The following IGF1R variants were observed in gnomAD, a reference collection of about 807,000 sequenced individuals.
IGF1R encodes insulin-like growth factor 1 receptor.
In IGF1R, 44 loss-of-function variants were observed where a neutral mutation model predicts 144.6. That is an observed-to-expected ratio of 0.30 (90% CI 0.24 to 0.39). IGF1R has a LOEUF of 0.39. Ranked by LOEUF, IGF1R falls within the 10% of genes least tolerant of loss-of-function variation. IGF1R has a pLI of 1.00. For missense variants in IGF1R, 1,355 were observed against 1,833.7 expected, an observed-to-expected ratio of 0.74 and a Z score of 4.77; for synonymous variants, 795 against 722.8, an observed-to-expected ratio of 1.10 and a Z score of -1.60.
At chr15:98,797,090 G>C (rs115357792) in intron 2 of IGF1R, among the ~76,000 whole-genome samples, 1 of 152,364 alleles carries the variant, frequency 6.6e-6, no homozygotes, top group African/African-American at 2.4e-5. Context: ...AGAGTTCTGT[G>C]TACACAGAGT....
At chr15:98,884,055 AAT>A (rs1406899361) in intron 2 of IGF1R, among the ~76,000 whole-genome samples, 49 of 152,204 alleles carry the variant, frequency 3.2e-4, no homozygotes, top group Non-Finnish European at 5.9e-5. Flanking sequence ...TTCACAGATG[AAT>A]ATACTGTAAT....
intron 1 of IGF1R, among the ~76,000 whole-genome samples, chr15:98,674,642 A>G (rs374453844): frequency 2.0e-5 from 3 of 152,200 alleles, no homozygotes; most frequent in South Asian, 4.1e-4. Flanking sequence ...TACAAGTATT[A>G]TGTGTATTGC....
At chr15:98,848,578 T>A (rs552068286) in intron 2 of IGF1R, among the ~76,000 whole-genome samples, 2 of 152,242 alleles carry the variant, frequency 1.3e-5, no homozygotes, top group Admixed American at 1.3e-4. Flanking sequence ...TCATCCTCTG[T>A]TGGGCAGAAT....
intron 5 of IGF1R, among the ~76,000 whole-genome samples, chr15:98,901,912 G>A (rs1190129825): frequency 6.6e-6 from 1 of 152,176 alleles, no homozygotes; most frequent in African/African-American, 2.4e-5. Flanking sequence ...CTGGAGAGGT[G>A]GGTGGTACTA....
At chr15:98,911,587 C>T (rs2015022250) in intron 7 of IGF1R, 146 bp downstream of exon 7, 2 of 1,008,878 alleles carry the variant, frequency 2.0e-6, no homozygotes, top group East Asian at 4.8e-5. Flanking sequence ...CTACTTCATC[C>T]TCATGCACCC....
intron 2 of IGF1R, among the ~76,000 whole-genome samples, chr15:98,762,238 CTT>C (rs5814898): frequency 8.9e-4 from 85 of 95,776 alleles, no homozygotes; most frequent in Middle Eastern, 5.6e-3. Context: ...CTTTTCTTTT[CTT>C]TTTTTTTTTT....
intron 5 of IGF1R, among the ~76,000 whole-genome samples, chr15:98,901,542 G>T (rs550564365): frequency 1.6e-4 from 25 of 152,270 alleles, no homozygotes; most frequent in African/African-American, 6.0e-4. Context: ...TTAGACTCAG[G>T]GACAGAGTTA....
At chr15:98,731,706 C>T (rs2054501053) in intron 2 of IGF1R, among the ~76,000 whole-genome samples, 1 of 152,290 alleles carries the variant, frequency 6.6e-6, no homozygotes, top group African/African-American at 2.4e-5. Flanking sequence ...GCTACTGAAC[C>T]CCAGGGTCAT....
intron 2 of IGF1R, among the ~76,000 whole-genome samples, chr15:98,786,712 G>A (rs2056006133): frequency 6.6e-6 from 1 of 152,156 alleles, no homozygotes; most frequent in Non-Finnish European, 1.5e-5. Flanking sequence ...TTCACTCATA[G>A]GATTTTTTTT....
intron 14 of IGF1R, 61 bp from the exon 15 acceptor site, chr15:98,930,174 A>G (rs2015883743): frequency 1.8e-6 from 2 of 1,110,924 alleles, no homozygotes; most frequent in African/African-American, 1.5e-5. Context: ...CGAAGATGAA[A>G]GTATATACAG....
rs1425594343 is a variant in IGF1R, at chr15:98,960,093, A to G, written c.*2651A>G. 8.6e-6 allele frequency: 2 copies of G among 233,490 alleles called. No individual in the cohort carries two copies. The highest frequency in any genetic ancestry group is 4.4e-5 in the African/African-American group (2 of 45,306). 14.5% of individuals were successfully genotyped at this position (233,490 alleles called of 1,614,324 possible). On this transcript the variant is annotated 3_prime_UTR_variant, in exon 21 of 21. Coordinates refer to ENST00000650285, the MANE Select transcript of IGF1R (RefSeq NM_000875.5). ...ACTCTTATTTTTTATATGTGTATAT[A>G]GACAAAAGAATACATCTCACCTTTC...
At chr15:98,830,603 A>ATTTTTTTTT (rs1555450173) in intron 2 of IGF1R, among the ~76,000 whole-genome samples, 3 of 133,720 alleles carry the variant, frequency 2.2e-5, no homozygotes, top group African/African-American at 9.9e-5. Flanking sequence ...TCTGATCATC[A>ATTTTTTTTT]TCTTTTTTTT....
intron 2 of IGF1R, among the ~76,000 whole-genome samples, chr15:98,867,155 GA>G (rs1220250929): frequency 1.7e-4 from 9 of 52,952 alleles, no homozygotes; most frequent in Admixed American, 3.1e-4. Context: ...GAGAAAGGGG[GA>G]GAGAGAGAGA....
chr15:98,652,059 T>C (rs1296032880), intron 1 of IGF1R, among the ~76,000 whole-genome samples: 2 of 152,228 alleles, frequency 1.3e-5, no homozygotes, highest in Non-Finnish European at 2.9e-5. Flanking sequence ...GCAGGTATTT[T>C]GCTGGCGTAT....
chr15:98,665,544 C>G (rs758561471), intron 1 of IGF1R, among the ~76,000 whole-genome samples: 6 of 152,120 alleles, frequency 3.9e-5, no homozygotes, highest in African/African-American at 1.4e-4. Context: ...AGAGCCTGGT[C>G]ACGAGCATGA....
chr15:98,662,460 G>A (rs918525131), intron 1 of IGF1R, among the ~76,000 whole-genome samples: 3 of 150,440 alleles, frequency 2.0e-5, no homozygotes, highest in African/African-American at 4.8e-5. Context: ...GAAGGGGAGT[G>A]GGAGTGGAAG....
At chr15:98,684,472 A>G (rs1050226514) in intron 1 of IGF1R, among the ~76,000 whole-genome samples, 4 of 152,036 alleles carry the variant, frequency 2.6e-5, no homozygotes, top group African/African-American at 4.8e-5. Flanking sequence ...AAAAAAATGT[A>G]TTCAGCCAGT....
chr15:98,689,838 G>T (rs190260134), intron 1 of IGF1R, among the ~76,000 whole-genome samples: 4 of 152,202 alleles, frequency 2.6e-5, no homozygotes, highest in African/African-American at 9.6e-5. Context: ...GTGAGGGCAG[G>T]GGCCACCTCT....
At chr15:98,873,314 C>T (rs2012885214) in intron 2 of IGF1R, among the ~76,000 whole-genome samples, 1 of 152,148 alleles carries the variant, frequency 6.6e-6, no homozygotes, top group Non-Finnish European at 1.5e-5. Context: ...TTAGGATCAG[C>T]TTCAAGATTT....
Sources: gnomAD v4.1 joint callset for allele counts (sites outside exome capture counted in the v4.1 genomes callset) on GRCh38, gnomAD v4.1.1 for gene constraint, MANE v1.5 for transcripts, NCBI Gene and HGNC (gene_info 2026-07-23, HGNC 2026-07-21) for gene names.